Variants in CSMD1 observed in about 807,000 individuals in gnomAD.
The protein encoded by CSMD1 is CUB and sushi domain-containing protein 1.
CSMD1 carries 213 observed loss-of-function variants against 417.5 expected under a neutral mutation model. That is an observed-to-expected ratio of 0.51 (90% confidence interval 0.46 to 0.57). The LOEUF is 0.57. Among genes scored for constraint, CSMD1 ranks in the 20% least tolerant of loss-of-function variants. CSMD1 has a pLI of 0.00. For missense variants in CSMD1, 6,923 were observed against 4,529.7 expected (o/e 1.53, Z -15.17); for synonymous variants, 2,862 against 1,736.8 (o/e 1.65, Z -16.11).
intron 2 of CSMD1, among the ~76,000 whole-genome samples, chr8:4,615,885 G>T (rs752669050): frequency 1.3e-5 from 2 of 151,834 alleles, no homozygotes; most frequent in African/African-American, 2.4e-5. Context: ...CACTGTTTTG[G>T]ATGAATTCAT....
chr8:4,386,487 T>C (rs2128921507), intron 3 of CSMD1, among the ~76,000 whole-genome samples: 2 of 152,292 alleles, frequency 1.3e-5, no homozygotes, highest in South Asian at 4.1e-4. Context: ...TATCTCCCAG[T>C]CTCCAATAGA....
chr8:4,582,036 A>C (rs969804910), intron 2 of CSMD1, among the ~76,000 whole-genome samples: 4 of 152,126 alleles, frequency 2.6e-5, no homozygotes, highest in African/African-American at 9.7e-5. Flanking sequence ...CATCGCAGAG[A>C]GAGAAGCAGT....
At chr8:4,642,571 C>A (rs1008926982) in intron 1 of CSMD1, among the ~76,000 whole-genome samples, 1 of 152,162 alleles carries the variant, frequency 6.6e-6, no homozygotes, top group African/African-American at 2.4e-5. Flanking sequence ...GATTCTACAC[C>A]TGGATGAAAC....
intron 1 of CSMD1, among the ~76,000 whole-genome samples, chr8:4,691,405 T>G (rs1262300727): frequency 6.6e-6 from 1 of 152,210 alleles, no homozygotes; most frequent in Admixed American, 6.5e-5. Flanking sequence ...ACCACCTTCT[T>G]GCAACATATT....
chr8:3,710,126 A>AT (rs76054813), intron 6 of CSMD1, among the ~76,000 whole-genome samples: 50,028 of 151,626 alleles, frequency 0.33, 8,428 homozygotes, highest in East Asian at 0.49. Flanking sequence ...ACCTTTTTGG[A>AT]TTTTTTTCCT....
Position 3,128,785 on chromosome 8 carries a change from ATGT to A in CSMD1, c.6242-10201_6242-10199del, listed in dbSNP as rs754367217. ...AAATTAATGGCGTACAATAAAAAAC[ATGT>A]TGTTTCGAGTTTTTGTTTTTTTTTT... is the stretch of plus-strand genomic sequence containing the variant. On this transcript the variant is annotated intron_variant, in intron 41 of 69. Coordinates refer to ENST00000635120, the MANE Select transcript of CSMD1 (RefSeq NM_033225.6). 4.4e-5 allele frequency: 19 copies of A among 428,518 alleles called. No individual in the cohort carries two copies. In the Admixed American group the frequency reaches 5.3e-4, roughly 12 times the overall value. 26.5% of individuals were successfully genotyped at this position (428,518 alleles called of 1,614,324 possible).
Position 3,716,511 on chromosome 8 carries a change from G to A in CSMD1, c.932-8020C>T, listed in dbSNP as rs187186273. Among the ~76,000 whole-genome samples, 95 of 152,294 alleles carry A rather than the reference G, an allele frequency of 6.2e-4. No homozygotes were observed. In the East Asian group the frequency reaches 7.3e-3, roughly 12 times the overall value. ...TTCGTAAACTGTAAACTGTCATGGTGCTGATGTGAGTGCAGCAGTGAGGAT... is the reference window on the plus strand; with the variant it reads ...TTCGTAAACTGTAAACTGTCATGGTACTGATGTGAGTGCAGCAGTGAGGAT... On this transcript the variant is annotated intron_variant, in intron 6 of 69. Transcript: ENST00000635120.
intron 17 of CSMD1, among the ~76,000 whole-genome samples, chr8:3,390,791 C>A (rs1461047747): frequency 6.6e-6 from 1 of 151,966 alleles, no homozygotes; most frequent in Non-Finnish European, 1.5e-5. Context: ...GAGCAGGGTT[C>A]TGTATGAATC....
intron 12 of CSMD1, among the ~76,000 whole-genome samples, chr8:3,456,687 T>C (rs928944182): frequency 6.6e-6 from 1 of 152,132 alleles, no homozygotes; most frequent in Non-Finnish European, 1.5e-5. Context: ...TGCTAATCAT[T>C]CCAGGAATGA....
chr8:4,128,277 G>T (rs903624606), intron 3 of CSMD1, among the ~76,000 whole-genome samples: 1 of 152,104 alleles, frequency 6.6e-6, no homozygotes, highest in Non-Finnish European at 1.5e-5. Context: ...GCATGAGTAA[G>T]AATGATCTGA....
Position 3,505,890 on chromosome 8 carries a change from A to C in CSMD1, c.1345-12164T>G, listed in dbSNP as rs73658138. On this transcript the variant is annotated intron_variant, in intron 10 of 69. Transcript: ENST00000635120. Reference sequence around the variant, plus strand: ...CTTCAAATAATAAGATTAATTTAAAAAACAGTTACTTAAGGAGGTTCTTTA... The same window carrying C: ...CTTCAAATAATAAGATTAATTTAAACAACAGTTACTTAAGGAGGTTCTTTA... Among the ~76,000 whole-genome samples the C allele has an allele frequency of 5.1e-3, 775 of 152,350 alleles. 10 individuals are homozygous for C. Among genetic ancestry groups the C allele is most frequent in the African/African-American group, 0.018 (749 of 41,578 alleles).
chr8:3,056,087 T>C (rs985367841), intron 49 of CSMD1, among the ~76,000 whole-genome samples: 101 of 152,364 alleles, frequency 6.6e-4, no homozygotes, highest in African/African-American at 2.3e-3. Context: ...TTTTTACTTA[T>C]TTATTTGCAA....
intron 5 of CSMD1, among the ~76,000 whole-genome samples, chr8:3,940,574 TA>T (rs1345799897): frequency 2.6e-5 from 4 of 151,196 alleles, no homozygotes. Flanking sequence ...TGGATATAGG[TA>T]TTCAAGAACA....
intron 1 of CSMD1, among the ~76,000 whole-genome samples, chr8:4,900,118 T>C (rs1175492034): frequency 6.6e-6 from 1 of 152,150 alleles, no homozygotes; most frequent in Non-Finnish European, 1.5e-5. Flanking sequence ...TTCCCATGCC[T>C]GGCTTTTGTG....
At chr8:4,579,584 G>C (rs1045541886) in intron 2 of CSMD1, among the ~76,000 whole-genome samples, 7 of 152,074 alleles carry the variant, frequency 4.6e-5, no homozygotes, top group East Asian at 1.9e-4. Flanking sequence ...GGCTGGTCTC[G>C]AGATCCTCAC....
At chr8:4,417,633 A>G (rs1797017190) in intron 3 of CSMD1, among the ~76,000 whole-genome samples, 1 of 151,982 alleles carries the variant, frequency 6.6e-6, no homozygotes, top group African/African-American at 2.4e-5. Context: ...ACTCATACCA[A>G]TTACTTGGTG....
chr8:4,193,513 A>C (rs558127625), intron 3 of CSMD1, among the ~76,000 whole-genome samples: 1 of 152,214 alleles, frequency 6.6e-6, no homozygotes, highest in South Asian at 2.1e-4. Context: ...AGTCTTGCTG[A>C]TATTACCCAA....
At chr8:4,662,792 C>G (rs937709514) in intron 1 of CSMD1, among the ~76,000 whole-genome samples, 7 of 152,298 alleles carry the variant, frequency 4.6e-5, no homozygotes, top group African/African-American at 7.2e-5. Context: ...ACCAGGGATT[C>G]AAGCTCAGGT....
intron 3 of CSMD1, among the ~76,000 whole-genome samples, chr8:4,255,452 T>C (rs1803388098): frequency 1.3e-5 from 2 of 152,212 alleles, no homozygotes; most frequent in South Asian, 4.1e-4. Flanking sequence ...TGAAATAATA[T>C]AAAAATGATT....
Sources: allele counts gnomAD v4.1 joint callset (sites outside exome capture counted in the v4.1 genomes callset), GRCh38; gene constraint gnomAD v4.1.1; transcripts MANE v1.5; gene names NCBI Gene and HGNC (gene_info 2026-07-23, HGNC 2026-07-21).